VAV3: variants seen among roughly 807,000 people sequenced by gnomAD.
VAV3 encodes guanine nucleotide exchange factor VAV3.
In VAV3, 94 loss-of-function variants were observed where a neutral mutation model predicts 131.2. The observed-to-expected ratio is 0.72, with a 90% CI of 0.61 to 0.85. VAV3 has a LOEUF of 0.85. Among genes scored for constraint, VAV3 ranks in the 40% least tolerant of loss-of-function variants. VAV3 has a pLI of 0.00. For missense variants in VAV3, 939 were observed against 1,002.7 expected (o/e 0.94, Z 0.86); for synonymous variants, 349 against 342.0 (o/e 1.02, Z -0.22).
At chr1:107,759,899 G>A (rs992573945) in intron 10 of VAV3, among the ~76,000 whole-genome samples, 1 of 152,044 alleles carries the variant, frequency 6.6e-6, no homozygotes, top group Non-Finnish European at 1.5e-5. Flanking sequence ...GATTGCCTGA[G>A]TCGTCCTTAT....
chr1:107,723,640 A>G (rs528736681), intron 15 of VAV3, among the ~76,000 whole-genome samples: 1 of 152,232 alleles, frequency 6.6e-6, no homozygotes, highest in African/African-American at 2.4e-5. Context: ...TAGCAGACCC[A>G]ACTCTCTCTC....
chr1:107,784,463 T>C (rs900845201), intron 2 of VAV3, among the ~76,000 whole-genome samples: 1 of 152,244 alleles, frequency 6.6e-6, no homozygotes, highest in Non-Finnish European at 1.5e-5. Context: ...TTTTCAATTA[T>C]GTGCAGATTT....
At chr1:107,695,914 C>T (rs1659714945) in intron 17 of VAV3, among the ~76,000 whole-genome samples, 1 of 152,022 alleles carries the variant, frequency 6.6e-6, no homozygotes. Context: ...CCTGGGTTAC[C>T]CTGTCATTTT....
intron 2 of VAV3, among the ~76,000 whole-genome samples, chr1:107,836,341 A>G (rs1356246678): frequency 6.6e-6 from 1 of 152,232 alleles, no homozygotes; most frequent in Admixed American, 6.5e-5. Context: ...GGTAAACAAC[A>G]AAATGAAGGT....
intron 4 of VAV3, 26 bp from the exon 5 acceptor site, chr1:107,772,869 T>G (rs750059349): frequency 6.9e-6 from 11 of 1,588,144 alleles, no homozygotes; most frequent in Non-Finnish European, 9.5e-6. Flanking sequence ...TCATATAAGG[T>G]CATTTTCTAT....
chr1:107,874,100 T>C (rs1446272272), intron 2 of VAV3, among the ~76,000 whole-genome samples: 2 of 152,178 alleles, frequency 1.3e-5, no homozygotes, highest in Non-Finnish European at 2.9e-5. Context: ...ATTAGTTTTT[T>C]CCTCCTTATT....
At chr1:107,657,343 T>G (rs912854666) in intron 19 of VAV3, among the ~76,000 whole-genome samples, 2 of 152,208 alleles carry the variant, frequency 1.3e-5, no homozygotes, top group African/African-American at 4.8e-5. Flanking sequence ...AAAGGGGACT[T>G]TATAAGAAAA....
chr1:107,779,527 G>A (rs1156558909), intron 2 of VAV3, 35 bp from the exon 3 acceptor site: 1 of 1,509,832 alleles, frequency 6.6e-7, no homozygotes. Flanking sequence ...TAGATATGTA[G>A]TTCAGAAAAT....
rs545459480 is a variant in VAV3, at chr1:107,802,861, T to G, written c.322-23369A>C. Among the ~76,000 whole-genome samples, 22 of 151,520 alleles carry G rather than the reference T, an allele frequency of 1.5e-4. No homozygotes were observed. In the South Asian group the frequency reaches 4.2e-3, roughly 29 times the overall value. ...TGATGTTAGCTTTGTGGAATAAGTT[T>G]GAAAGTATTTCTTCCTCTTCAGTTT... On this transcript the variant is annotated intron_variant, in intron 2 of 26. Transcript: ENST00000370056.
intron 25 of VAV3, among the ~76,000 whole-genome samples, chr1:107,587,047 A>T (rs1216748288): frequency 6.6e-6 from 1 of 152,086 alleles, no homozygotes; most frequent in African/African-American, 2.4e-5. Flanking sequence ...GCTAATGGGG[A>T]TGGTAAGTTT....
intron 21 of VAV3, among the ~76,000 whole-genome samples, chr1:107,611,422 T>C (rs1046906218): frequency 6.6e-6 from 1 of 152,162 alleles, no homozygotes; most frequent in Admixed American, 6.6e-5. Flanking sequence ...AAATAGTTTC[T>C]TACATAACTT....
chr1:107,618,070 C>T (rs1295709134), intron 20 of VAV3, among the ~76,000 whole-genome samples: 1 of 152,072 alleles, frequency 6.6e-6, no homozygotes, highest in African/African-American at 2.4e-5. Flanking sequence ...CTCACATGCG[C>T]AGTTCACAGT....
intron 2 of VAV3, among the ~76,000 whole-genome samples, chr1:107,843,659 G>A (rs1225082615): frequency 2.6e-5 from 4 of 151,906 alleles, no homozygotes; most frequent in Non-Finnish European, 5.9e-5. Flanking sequence ...GAAGGGGCTG[G>A]AACATAGAAA....
intron 15 of VAV3, among the ~76,000 whole-genome samples, chr1:107,739,950 G>A (rs571705246): frequency 6.6e-6 from 1 of 152,268 alleles, no homozygotes; most frequent in Admixed American, 6.5e-5. Context: ...TATTGCTGCT[G>A]GGAAGAAAAT....
chr1:107,965,037 G>T lies in VAV3; in HGVS notation c.-168C>A, dbSNP rs886686401. 2.3e-5 allele frequency: 8 copies of T among 342,970 alleles called. No homozygotes were observed. Among genetic ancestry groups the T allele is most frequent in the African/African-American group, 1.3e-4 (6 of 44,530 alleles). The allele number at this position is 342,970 out of a possible 1,614,324, so 21.2% of individuals were successfully genotyped here. A position where few individuals can be genotyped will look rare whatever the true frequency, so the allele number is the denominator to read the frequency against. On this transcript the variant is annotated 5_prime_UTR_variant, in exon 1 of 27. Coordinates refer to ENST00000370056, the MANE Select transcript of VAV3 (RefSeq NM_006113.5). Reference sequence around the variant, plus strand: ...GCGGCTGACGGGTCGCGGGCGCCGCGCTAGGCTCGGCTCCGGTCCCGGCCC... The same window carrying T: ...GCGGCTGACGGGTCGCGGGCGCCGCTCTAGGCTCGGCTCCGGTCCCGGCCC...
chr1:107,629,052 G>A (rs1654247906), intron 20 of VAV3, among the ~76,000 whole-genome samples: 1 of 152,138 alleles, frequency 6.6e-6, no homozygotes, highest in Non-Finnish European at 1.5e-5. Context: ...ACTGATTACA[G>A]TTCTACTGCT....
chr1:107,847,462 C>CA (rs568250235), intron 2 of VAV3, among the ~76,000 whole-genome samples: 28 of 151,776 alleles, frequency 1.8e-4, no homozygotes, highest in Non-Finnish European at 3.2e-4. Flanking sequence ...AAAAACCCTT[C>CA]AAAAAAATCA....
At chr1:107,722,122 G>A (rs1661538928) in intron 15 of VAV3, among the ~76,000 whole-genome samples, 1 of 152,172 alleles carries the variant, frequency 6.6e-6, no homozygotes, top group Non-Finnish European at 1.5e-5. Context: ...TTTCTGCAGA[G>A]TCAGTTGTGC....
chr1:107,937,079 C>T (rs746550708), intron 1 of VAV3, among the ~76,000 whole-genome samples: 3 of 152,146 alleles, frequency 2.0e-5, no homozygotes, highest in Admixed American at 6.6e-5. Context: ...CTAAACATAA[C>T]ACCCTCCACC....
Sources: gnomAD v4.1 joint callset for allele counts (sites outside exome capture counted in the v4.1 genomes callset) on GRCh38, gnomAD v4.1.1 for gene constraint, MANE v1.5 for transcripts, NCBI Gene and HGNC (gene_info 2026-07-23, HGNC 2026-07-21) for gene names.